Variants in ALX4 observed in about 807,000 individuals in gnomAD.
The protein encoded by ALX4 is homeobox protein aristaless-like 4.
In ALX4, 22 loss-of-function variants were observed where a neutral mutation model predicts 40.6. The observed-to-expected ratio is 0.54, with a 90% CI of 0.39 to 0.77. The LOEUF is 0.77. Ranked by LOEUF, ALX4 falls within the 30% of genes least tolerant of loss-of-function variation. The pLI is 0.00. For missense variants in ALX4, 556 were observed against 564.8 expected, an observed-to-expected ratio of 0.98 and a Z score of 0.16; for synonymous variants, 266 against 240.5, an observed-to-expected ratio of 1.11 and a Z score of -0.98.
chr11:44,266,207 C>T (rs1956212901), intron 3 of ALX4, among the ~76,000 whole-genome samples: 1 of 152,090 alleles, frequency 6.6e-6, no homozygotes, highest in African/African-American at 2.4e-5. Flanking sequence ...TCTGAGCACA[C>T]ACTATGTGGT....
chr11:44,294,095 GC>G (rs930835762), intron 1 of ALX4, among the ~76,000 whole-genome samples: 3 of 152,252 alleles, frequency 2.0e-5, no homozygotes, highest in South Asian at 2.1e-4. Context: ...GTGGGCATGA[GC>G]CCCCTGGGCA....
chr11:44,264,671 T>C lies in ALX4; in HGVS notation c.*183A>G. 1.5e-6 allele frequency: 1 copy of C among 676,638 alleles called. No individual in the cohort carries two copies. Among genetic ancestry groups the C allele is most frequent in the South Asian group, 1.9e-5 (1 of 52,006 alleles). 41.9% of individuals were successfully genotyped at this position (676,638 alleles called of 1,614,324 possible). The stretch of plus-strand genomic sequence containing the variant: ...CAGTGCCAGGGAGGGGCCAGGGGCC[T>C]GCTGCCCCCTCCCTCCCAGCAGTCC... On this transcript the variant is annotated 3_prime_UTR_variant, in exon 4 of 4. Coordinates refer to ENST00000652299, the MANE Select transcript of ALX4 (RefSeq NM_021926.4).
intron 1 of ALX4, among the ~76,000 whole-genome samples, chr11:44,293,892 G>T (rs1234160453): frequency 6.6e-6 from 1 of 152,210 alleles, no homozygotes; most frequent in Non-Finnish European, 1.5e-5. Flanking sequence ...GATGGCTCTG[G>T]AGGGAGGAGG....
intron 1 of ALX4, among the ~76,000 whole-genome samples, chr11:44,309,146 T>TCCCGCAGCCCCGCAGC (rs1956487418): frequency 1.4e-5 from 1 of 72,992 alleles, no homozygotes. Flanking sequence ...GCTTCTGCAG[T>TCCCGCAGCCCCGCAGC]CCTGCTGTCC....
chr11:44,289,555 C>T (rs935746397), intron 1 of ALX4, among the ~76,000 whole-genome samples: 2 of 152,158 alleles, frequency 1.3e-5, no homozygotes, highest in South Asian at 4.1e-4. Flanking sequence ...AAGTCCACTG[C>T]CTTTCAAGGT....
At chr11:44,265,772 G>A (rs1956210294) in intron 3 of ALX4, among the ~76,000 whole-genome samples, 1 of 152,150 alleles carries the variant, frequency 6.6e-6, no homozygotes, top group Non-Finnish European at 1.5e-5. Context: ...ACTCAGGATG[G>A]AAGGGGCTGC....
chr11:44,290,861 GA>G (rs1416018102), intron 1 of ALX4, among the ~76,000 whole-genome samples: 1 of 152,174 alleles, frequency 6.6e-6, no homozygotes, highest in Non-Finnish European at 1.5e-5. Context: ...TAGAGTGCAA[GA>G]CGGCATATCC....
At chr11:44,307,168 G>A (rs979993082) in intron 1 of ALX4, among the ~76,000 whole-genome samples, 50 of 128,514 alleles carry the variant, frequency 3.9e-4, no homozygotes, top group African/African-American at 1.4e-3. Flanking sequence ...GTGGGTGGGG[G>A]TTGGGAGGGG....
At chr11:44,309,037 G>A (rs1027918385) in intron 1 of ALX4, among the ~76,000 whole-genome samples, 1 of 152,198 alleles carries the variant, frequency 6.6e-6, no homozygotes, top group Admixed American at 6.5e-5. Context: ...GTGAGCTTTC[G>A]GCCAACCACG....
rs752876582 is a variant in ALX4 at position 44,267,623 on chromosome 11, C to T, written c.778-1G>A. On this transcript the variant is annotated splice_acceptor_variant, in intron 2 of 3. Transcript: ENST00000652299. LOFTEE classifies it high-confidence loss of function. Reference sequence around the variant, plus strand: ...TGGCCCTTCGGTTCTGGAACCAGACCTACAAGACGCGAAAAAGCCATTGTC... The same window carrying T: ...TGGCCCTTCGGTTCTGGAACCAGACTTACAAGACGCGAAAAAGCCATTGTC... 1.2e-6 allele frequency: 2 copies of T among 1,614,186 alleles called. No individual in the cohort carries two copies. The highest frequency in any genetic ancestry group is 1.1e-5 in the South Asian group (1 of 91,082).
intron 1 of ALX4, among the ~76,000 whole-genome samples, chr11:44,297,525 C>A (rs1305851439): frequency 6.6e-6 from 1 of 151,876 alleles, no homozygotes; most frequent in African/African-American, 2.4e-5. Flanking sequence ...CAAGACCAGC[C>A]TGGGCAGCAT....
intron 2 of ALX4, among the ~76,000 whole-genome samples, chr11:44,272,781 C>T (rs1206730039): frequency 1.3e-5 from 2 of 152,040 alleles, no homozygotes; most frequent in African/African-American, 2.4e-5. Context: ...TGCACTCCAA[C>T]CTGGGTGACA....
In ALX4 at chr11:44,287,605, AGAAAAG is replaced by A. The variant is rs758287838; in HGVS notation, c.467-11953_467-11948del. ...GGCAGAGACCTGTCTCAAAAAAAAAAGAAAAGAAAAGAAAAGAAAACAAAAAACTGG... is the reference window on the plus strand; with the variant it reads ...GGCAGAGACCTGTCTCAAAAAAAAAAAAAAGAAAAGAAAACAAAAAACTGG... On this transcript the variant is annotated intron_variant, in intron 1 of 3. Coordinates refer to ENST00000652299, the MANE Select transcript of ALX4 (RefSeq NM_021926.4). 9.0e-3 allele frequency among the ~76,000 whole-genome samples: 1,197 copies of A among 133,586 alleles called. 17 individuals carry two copies. Among genetic ancestry groups the A allele is most frequent in the African/African-American group, 0.031 (1,114 of 36,168 alleles). The allele number at this position is 133,586 out of a possible 152,430, so 87.6% of individuals were successfully genotyped here.
At chr11:44,266,827 G>A (rs576927873) in intron 3 of ALX4, among the ~76,000 whole-genome samples, 1 of 152,278 alleles carries the variant, frequency 6.6e-6, no homozygotes, top group East Asian at 1.9e-4. Flanking sequence ...CTGGCTGACA[G>A]ACACCTAGGG....
At chr11:44,298,892 G>C (rs1474692996) in intron 1 of ALX4, among the ~76,000 whole-genome samples, 1 of 152,150 alleles carries the variant, frequency 6.6e-6, no homozygotes, top group Admixed American at 6.5e-5. Context: ...TGAACGAAGA[G>C]AGAGTGGAAA....
chr11:44,263,018 G>A lies in ALX4; in HGVS notation c.*1836C>T, dbSNP rs1293621558. On this transcript the variant is annotated 3_prime_UTR_variant, in exon 4 of 4. Coordinates refer to ENST00000652299, the MANE Select transcript of ALX4 (RefSeq NM_021926.4). ...ATTTTAGAGCTACGGTTCACAAAGAGGTCTGACTCATTAAGGGAGGCCACA... is the reference window on the plus strand; with the variant it reads ...ATTTTAGAGCTACGGTTCACAAAGAAGTCTGACTCATTAAGGGAGGCCACA... 6.6e-6 allele frequency: 1 copy of A among 152,194 alleles called. No individual in the cohort carries two copies. Among genetic ancestry groups the A allele is most frequent in the Non-Finnish European group, 1.5e-5 (1 of 68,044 alleles). 9.4% of individuals were successfully genotyped at this position (152,194 alleles called of 1,614,324 possible).
At chr11:44,266,074 C>T (rs116529089) in intron 3 of ALX4, among the ~76,000 whole-genome samples, 57 of 151,844 alleles carry the variant, frequency 3.8e-4, no homozygotes, top group African/African-American at 1.3e-3. Flanking sequence ...GGAGCACACT[C>T]GAGGGAGGCA....
rs1403589795 is a variant in ALX4, at chr11:44,262,448, T to C, written c.*2406A>G. On this transcript the variant is annotated 3_prime_UTR_variant, in exon 4 of 4. Coordinates refer to ENST00000652299, the MANE Select transcript of ALX4 (RefSeq NM_021926.4). Reference sequence around the variant, plus strand: ...GGGACAGGCAGCCATAGCCACAGAGTCTTCTAATAGACGCCTTTTCTTCTC... The same window carrying C: ...GGGACAGGCAGCCATAGCCACAGAGCCTTCTAATAGACGCCTTTTCTTCTC... The C allele has an allele frequency of 6.6e-6, 1 of 152,090 alleles. No homozygotes were observed. Among genetic ancestry groups the C allele is most frequent in the Non-Finnish European group, 1.5e-5 (1 of 68,060 alleles). The allele number at this position is 152,090 out of a possible 1,614,324, so 9.4% of individuals were successfully genotyped here.
At chr11:44,294,122 T>C (rs1565007975) in intron 1 of ALX4, among the ~76,000 whole-genome samples, 1 of 152,168 alleles carries the variant, frequency 6.6e-6, no homozygotes, top group Non-Finnish European at 1.5e-5. Flanking sequence ...GGAAAAAGGC[T>C]CTTTGGCTTC....
Sources: gnomAD v4.1 joint callset for allele counts (sites outside exome capture counted in the v4.1 genomes callset) on GRCh38, gnomAD v4.1.1 for gene constraint, MANE v1.5 for transcripts, NCBI Gene and HGNC (gene_info 2026-07-23, HGNC 2026-07-21) for gene names.